The following RFT1 variants were observed in gnomAD, a reference collection of about 807,000 sequenced individuals.
RFT1 encodes man(5)GlcNAc(2)-PP-dolichol translocation protein RFT1.
A neutral mutation model predicts 62.2 loss-of-function variants in RFT1; 43 were observed. The ratio of observed to expected loss-of-function variants is 0.69; its 90% CI spans 0.54 to 0.89. The LOEUF (loss-of-function observed/expected upper bound fraction) is 0.89. RFT1 is among the 40% of genes least tolerant of loss of function. The probability of loss-of-function intolerance (pLI) is 0.00; values close to 1 mark genes in which losing one functional copy is unlikely to be tolerated. For missense variants in RFT1, 605 were observed against 649.9 expected, an observed-to-expected ratio of 0.93 and a Z score of 0.75; for synonymous variants, 262 against 264.6, an observed-to-expected ratio of 0.99 and a Z score of 0.10.
chr3:53,118,552 G>T (rs890833494), intron 6 of RFT1, among the ~76,000 whole-genome samples: 47 of 152,158 alleles, frequency 3.1e-4, no homozygotes, highest in African/African-American at 8.9e-4. Context: ...TGAGACTTAA[G>T]TCTCACATAT....
downstream of RFT1, among the ~76,000 whole-genome samples, chr3:53,086,274 T>TA (rs1283196164): frequency 6.6e-6 from 1 of 152,118 alleles, no homozygotes; most frequent in East Asian, 1.9e-4. Context: ...ATTCAGTAAA[T>TA]AAATTTTAGA....
intron 6 of RFT1, among the ~76,000 whole-genome samples, chr3:53,113,680 A>T (rs1208290910): frequency 6.6e-6 from 1 of 152,262 alleles, no homozygotes; most frequent in Non-Finnish European, 1.5e-5. Flanking sequence ...CATTTCAACA[A>T]GTAATCCCTG....
At position 53,119,959 on chromosome 3, in the gene RFT1, G is replaced by C; in HGVS notation, c.621C>G (p.Ser207=). ...GAGTTTGAAGCTTGGTTGATTCTGGGGAACCCAGTAACTTTGTGAAATAAA... is the reference window on the plus strand; with the variant it reads ...GAGTTTGAAGCTTGGTTGATTCTGGCGAACCCAGTAACTTTGTGAAATAAA... ...YVIYFTKLLG[S]PESTKLQTLP... is the part of the protein sequence containing the mutation. Residue 207 remains serine, a synonymous_variant, in exon 6 of 13, where the codon TCC becomes TCG. Coordinates refer to ENST00000296292, the MANE Select transcript of RFT1 (RefSeq NM_052859.4). 6.2e-7 allele frequency: 1 copy of C among 1,612,422 alleles called. No individual in the cohort carries two copies. Among genetic ancestry groups the C allele is most frequent in the Non-Finnish European group, 8.5e-7 (1 of 1,179,318 alleles).
intron 6 of RFT1, among the ~76,000 whole-genome samples, chr3:53,119,196 A>G (rs1701897975): frequency 6.6e-6 from 1 of 151,756 alleles, no homozygotes; most frequent in Non-Finnish European, 1.5e-5. Flanking sequence ...AGAATGAGAC[A>G]CTGTCTCAAG....
Position 53,105,746 on chromosome 3 carries a change from G to A in RFT1, c.884C>T (p.Pro295Leu), listed in dbSNP as rs770676975. 1.2e-5 allele frequency: 20 copies of A among 1,613,540 alleles called. No individual in the cohort carries two copies. The African/African-American group carries it at 2.7e-4, about 22-fold the overall frequency. ...GSLVARLIFQ[P>L]IEESFYIFFA... ...AAATATATAAAAACTTTCCTCTATT[G>A]GCTGGAAAATTAATCTGGCCACAAG... The change falls in exon 9 of 13, where the codon CCA (proline) becomes CTA (leucine). Residue 295 changes from proline to leucine, a missense_variant. Physicochemically the swap from Pro to Leu is moderately conservative, Grantham distance 98 (BLOSUM62 -3). Coordinates refer to ENST00000296292, the MANE Select transcript of RFT1 (RefSeq NM_052859.4).
downstream of RFT1, among the ~76,000 whole-genome samples, chr3:53,085,402 C>T (rs570909425): frequency 2.0e-5 from 3 of 152,202 alleles, no homozygotes; most frequent in South Asian, 6.2e-4. Flanking sequence ...TTCGGCCTCA[C>T]AGGTGGAGCA....
chr3:53,100,969 C>G (rs999874938), intron 10 of RFT1, among the ~76,000 whole-genome samples: 1 of 151,434 alleles, frequency 6.6e-6, no homozygotes, highest in Admixed American at 6.6e-5. Flanking sequence ...AAAAAACTCC[C>G]AAAAAAAACA....
At chr3:53,093,412 C>T (rs747384422) in intron 11 of RFT1, among the ~76,000 whole-genome samples, 2 of 152,198 alleles carry the variant, frequency 1.3e-5, no homozygotes, top group Admixed American at 6.5e-5. Flanking sequence ...TCAGCAAACA[C>T]GAAATAGCTG....
At chr3:53,122,775 G>GA (rs1214652036) in intron 3 of RFT1, among the ~76,000 whole-genome samples, 1 of 152,122 alleles carries the variant, frequency 6.6e-6, no homozygotes, top group African/African-American at 2.4e-5. Flanking sequence ...TTAAAAAAAT[G>GA]AAACTGAGGC....
At chr3:53,120,367 C>G (rs1266985258) in intron 5 of RFT1, among the ~76,000 whole-genome samples, 1 of 152,246 alleles carries the variant, frequency 6.6e-6, no homozygotes, top group African/African-American at 2.4e-5. Context: ...TCCACCTAGT[C>G]AGCACCCTGC....
downstream of RFT1, among the ~76,000 whole-genome samples, chr3:53,086,022 G>A (rs1700846062): frequency 1.3e-5 from 2 of 152,190 alleles, no homozygotes; most frequent in East Asian, 1.9e-4. Context: ...GGTAATTGGG[G>A]ACTGACTGAT....
At position 53,091,045 on chromosome 3, in the gene RFT1, G is replaced by A. The variant is rs1005043035; in HGVS notation, c.*858C>T. 1 of 152,290 alleles carries A rather than the reference G, an allele frequency of 6.6e-6. No homozygotes were observed. The highest frequency in any genetic ancestry group is 1.5e-5 in the Non-Finnish European group (1 of 68,090). 9.4% of individuals were successfully genotyped at this position (152,290 alleles called of 1,614,324 possible). On this transcript the variant is annotated 3_prime_UTR_variant, in exon 13 of 13. Coordinates refer to ENST00000296292, the MANE Select transcript of RFT1 (RefSeq NM_052859.4). Reference sequence around the variant, plus strand: ...AAAGTACATCTGTTAAACCTTATCTGTCACCAGTGCAATTCCCATGTGAGA... The same window carrying A: ...AAAGTACATCTGTTAAACCTTATCTATCACCAGTGCAATTCCCATGTGAGA...
At chr3:53,084,406 A>T (rs914635465), downstream of RFT1, among the ~76,000 whole-genome samples, 1 of 152,220 alleles carries the variant, frequency 6.6e-6, no homozygotes, top group African/African-American at 2.4e-5. Context: ...CTTTCATTTC[A>T]GGCTCCCCCT....
intron 4 of RFT1, 129 bp downstream of exon 4, chr3:53,122,242 TATC>T: frequency 1.1e-6 from 1 of 888,420 alleles, no homozygotes; most frequent in Non-Finnish European, 1.8e-6. Flanking sequence ...CTGACCATGT[TATC>T]TTTTTCTAAA....
At position 53,111,858 on chromosome 3, in the gene RFT1, C is replaced by G; in HGVS notation, c.747G>C (p.Gln249His). 6.2e-7 allele frequency: 1 copy of G among 1,614,082 alleles called. No homozygotes were observed. The highest frequency in any genetic ancestry group is 8.5e-7 in the Non-Finnish European group (1 of 1,179,950). ...EAKLTWSFFK[Q>H]SFLKQILTEG... ...CTGTCAAAATCTGTTTCAAGAAAGACTGTTTGAAAAAACTCCAAGTCAGTT... is the reference window on the plus strand; with the variant it reads ...CTGTCAAAATCTGTTTCAAGAAAGAGTGTTTGAAAAAACTCCAAGTCAGTT... Residue 249 changes from glutamine to histidine, a missense_variant, in exon 7 of 13, where the codon CAG (glutamine) becomes CAC (histidine). Physicochemically the swap from Gln to His is conservative, Grantham distance 24. Transcript: ENST00000296292.
chr3:53,101,470 T>C (rs1471330296), intron 10 of RFT1, among the ~76,000 whole-genome samples: 1 of 152,192 alleles, frequency 6.6e-6, no homozygotes, highest in Non-Finnish European at 1.5e-5. Context: ...TCGTGAGGCA[T>C]GGAGAACACA....
chr3:53,117,346 C>A (rs947884434), intron 6 of RFT1, among the ~76,000 whole-genome samples: 1 of 152,182 alleles, frequency 6.6e-6, no homozygotes. Flanking sequence ...CCAACAATCT[C>A]ACTTTAAAAA....
the RFT1 span, among the ~76,000 whole-genome samples, chr3:53,074,877 G>T: frequency 6.6e-6 from 1 of 152,198 alleles, no homozygotes; most frequent in Admixed American, 6.5e-5. Context: ...AATCTGAGCT[G>T]CTCTGGGGTG....
chr3:53,076,769 A>G, the RFT1 span, among the ~76,000 whole-genome samples: 2 of 152,072 alleles, frequency 1.3e-5, no homozygotes, highest in Non-Finnish European at 2.9e-5. Context: ...TGGGCAACAT[A>G]GTGTGACCCC....
Sources: allele counts gnomAD v4.1 joint callset (sites outside exome capture counted in the v4.1 genomes callset), GRCh38; gene constraint gnomAD v4.1.1; transcripts MANE v1.5; gene names NCBI Gene and HGNC (gene_info 2026-07-23, HGNC 2026-07-21).